The following ENOX1 variants were observed in gnomAD, a reference collection of about 807,000 sequenced individuals.
The protein encoded by ENOX1 is ecto-NOX disulfide-thiol exchanger 1.
In ENOX1, 42 loss-of-function variants were observed where a neutral mutation model predicts 82.5. The ratio of observed to expected loss-of-function variants is 0.51; its 90% CI spans 0.40 to 0.66. The LOEUF (loss-of-function observed/expected upper bound fraction) is 0.66. ENOX1 is among the 30% of genes least tolerant of loss of function. The pLI is 0.00. For synonymous variants in ENOX1, 271 were observed against 282.2 expected (o/e 0.96, Z 0.40); for missense variants, 608 against 811.6 (o/e 0.75, Z 3.05).
chr13:43,301,579 C>CCA (rs1397831569), intron 11 of ENOX1, among the ~76,000 whole-genome samples: 1 of 112,334 alleles, frequency 8.9e-6, no homozygotes, highest in African/African-American at 3.0e-5. Context: ...GTAATTCCCC[C>CCA]ACCAAAAAAA....
intron 10 of ENOX1, among the ~76,000 whole-genome samples, chr13:43,325,237 A>G (rs1241450737): frequency 6.6e-6 from 1 of 152,224 alleles, no homozygotes; most frequent in African/African-American, 2.4e-5. Context: ...TTCCTTACTC[A>G]TAATCCTGAA....
intron 2 of ENOX1, among the ~76,000 whole-genome samples, chr13:43,644,750 T>A (rs1199174805): frequency 6.6e-6 from 1 of 152,216 alleles, no homozygotes; most frequent in Non-Finnish European, 1.5e-5. Context: ...AATTGCAGAA[T>A]TAGGAATTGG....
chr13:43,744,794 C>T (rs1376995136), intron 1 of ENOX1, among the ~76,000 whole-genome samples: 1 of 152,194 alleles, frequency 6.6e-6, no homozygotes, highest in Non-Finnish European at 1.5e-5. Context: ...ACAGCAAATC[C>T]TCCACTGACC....
At chr13:43,525,731 G>C (rs2077963063) in intron 2 of ENOX1, among the ~76,000 whole-genome samples, 1 of 152,012 alleles carries the variant, frequency 6.6e-6, no homozygotes, top group African/African-American at 2.4e-5. Context: ...AGTCATTAGT[G>C]ATGCTGAGTA....
Position 43,236,684 on chromosome 13 carries a change from C to A in ENOX1, c.1666G>T (p.Glu556Ter). ...LVNQDRENNI[E>*]KRSQGLKSEK... is the part of the protein sequence containing the mutation. Reference sequence around the variant, plus strand: ...GATTTTAAGCCTTGGCTTCTTTTCTCAATATTGTTCTCTCGGTCTTGGTTG... The same window carrying A: ...GATTTTAAGCCTTGGCTTCTTTTCTAAATATTGTTCTCTCGGTCTTGGTTG... Residue 556 changes from glutamate to a stop codon, truncating the protein, a stop_gained, in exon 15 of 17, where the codon GAG becomes TAG. Transcript: ENST00000690772. LOFTEE classifies it high-confidence loss of function. 1 of 1,588,526 alleles carries A rather than the reference C, an allele frequency of 6.3e-7. No individual in the cohort carries two copies. Among genetic ancestry groups the A allele is most frequent in the South Asian group, 1.2e-5 (1 of 84,924 alleles).
chr13:43,694,657 A>G (rs994720483), intron 1 of ENOX1, among the ~76,000 whole-genome samples: 1 of 152,206 alleles, frequency 6.6e-6, no homozygotes, highest in Non-Finnish European at 1.5e-5. Flanking sequence ...AATGCCACAT[A>G]TGGTAGAAGT....
At chr13:43,524,114 C>T (rs192517602) in intron 2 of ENOX1, among the ~76,000 whole-genome samples, 18 of 152,270 alleles carry the variant, frequency 1.2e-4, no homozygotes, top group African/African-American at 4.1e-4. Flanking sequence ...ACCTTCTTCA[C>T]ATCATCCTAG....
At chr13:43,502,590 A>G (rs76852238) in intron 2 of ENOX1, among the ~76,000 whole-genome samples, 3 of 151,774 alleles carry the variant, frequency 2.0e-5, no homozygotes, top group East Asian at 3.8e-4. Context: ...TCATAGTAAC[A>G]GAATAAAGGA....
chr13:43,595,848 A>G (rs2153728635), intron 2 of ENOX1, among the ~76,000 whole-genome samples: 1 of 152,346 alleles, frequency 6.6e-6, no homozygotes, highest in South Asian at 2.1e-4. Flanking sequence ...TTTACCAGTC[A>G]TTAGCCTGAA....
chr13:43,626,754 T>C (rs2082981970), intron 2 of ENOX1, among the ~76,000 whole-genome samples: 2 of 151,892 alleles, frequency 1.3e-5, no homozygotes, highest in South Asian at 4.1e-4. Context: ...AAAAAATATA[T>C]ATATTCTGCT....
rs1228396680 is a variant in ENOX1, at chr13:43,721,376, C to T, written c.-284-53832G>A. 4.8e-4 allele frequency among the ~76,000 whole-genome samples: 52 copies of T among 107,594 alleles called. 1 individual carries two copies. The East Asian group carries it at 0.012, about 25-fold the overall frequency. The allele number at this position is 107,594 out of a possible 152,430, so 70.6% of individuals were successfully genotyped here. On this transcript the variant is annotated intron_variant, in intron 1 of 16. Transcript: ENST00000690772. ...GAAAAAGCTTTTATATATTTTATAT[C>T]TTTTTTTTTTTTTTTTTTTTGAGAC...
At chr13:43,573,243 C>T (rs1220150599) in intron 2 of ENOX1, among the ~76,000 whole-genome samples, 1 of 152,146 alleles carries the variant, frequency 6.6e-6, no homozygotes, top group African/African-American at 2.4e-5. Context: ...TTTTTCTTAT[C>T]TCAGTGACTT....
intron 2 of ENOX1, among the ~76,000 whole-genome samples, chr13:43,526,631 A>T (rs2078001924): frequency 6.6e-6 from 1 of 152,142 alleles, no homozygotes; most frequent in Admixed American, 6.6e-5. Context: ...ATTTCTCTCT[A>T]CCTTCCCACT....
At position 43,702,953 on chromosome 13, in the gene ENOX1, CAAAAAAAAAAAA is replaced by C. The variant is rs60810191; in HGVS notation, c.-284-35421_-284-35410del. Among the ~76,000 whole-genome samples the C allele has an allele frequency of 3.1e-3, 156 of 51,048 alleles. 2 individuals carry two copies. Among genetic ancestry groups the C allele is most frequent in the African/African-American group, 0.011 (132 of 12,368 alleles). The allele number at this position is 51,048 out of a possible 152,430, so 33.5% of individuals were successfully genotyped here. A position where few individuals can be genotyped will look rare whatever the true frequency, so the allele number is the denominator to read the frequency against. ...GGGCAACAAGAGTGAGACTCTGTCTCAAAAAAAAAAAAAAAAAAAAAAAAAAAAAAGTTTGAG... is the reference window on the plus strand; with the variant it reads ...GGGCAACAAGAGTGAGACTCTGTCTCAAAAAAAAAAAAAAAAAAGTTTGAG... On this transcript the variant is annotated intron_variant, in intron 1 of 16. Coordinates refer to ENST00000690772, the MANE Select transcript of ENOX1 (RefSeq NM_001347969.2).
chr13:43,738,390 T>C (rs2089733872), intron 1 of ENOX1, among the ~76,000 whole-genome samples: 1 of 152,220 alleles, frequency 6.6e-6, no homozygotes. Flanking sequence ...ATCTAGTCTA[T>C]GGCTAACATT....
chr13:43,269,831 G>A (rs1172563814), intron 12 of ENOX1, among the ~76,000 whole-genome samples: 2 of 152,136 alleles, frequency 1.3e-5, no homozygotes, highest in Admixed American at 6.5e-5. Context: ...ATATTCCTTT[G>A]AGCAAATGCC....
chr13:43,570,746 C>T (rs962307557), intron 2 of ENOX1, among the ~76,000 whole-genome samples: 5 of 152,056 alleles, frequency 3.3e-5, no homozygotes, highest in African/African-American at 1.2e-4. Flanking sequence ...GCAAGAAGCC[C>T]TCAGTGGCCA....
chr13:43,520,353 G>GCA (rs2077717093), intron 2 of ENOX1, among the ~76,000 whole-genome samples: 1 of 151,980 alleles, frequency 6.6e-6, no homozygotes, highest in Non-Finnish European at 1.5e-5. Flanking sequence ...CAGTCAATCT[G>GCA]CACACACACA....
intron 12 of ENOX1, among the ~76,000 whole-genome samples, chr13:43,281,395 T>C (rs1462725330): frequency 6.6e-6 from 1 of 152,134 alleles, no homozygotes; most frequent in Non-Finnish European, 1.5e-5. Flanking sequence ...ACATTAAATA[T>C]AGAAAGCATT....
Sources: gnomAD v4.1 joint callset for allele counts (sites outside exome capture counted in the v4.1 genomes callset) on GRCh38, gnomAD v4.1.1 for gene constraint, MANE v1.5 for transcripts, NCBI Gene and HGNC (gene_info 2026-07-23, HGNC 2026-07-21) for gene names.